TP63: variants seen among roughly 807,000 people sequenced by gnomAD.
TP63 encodes tumor protein p63, also known as tumor protein 63.
Under a neutral mutation model 82.8 loss-of-function variants are expected in TP63, and 17 were observed. The observed-to-expected ratio is 0.21, with a 90% CI of 0.14 to 0.31. The LOEUF is 0.31. Ranked by LOEUF, TP63 falls within the 10% of genes least tolerant of loss-of-function variation. The pLI, the probability that TP63 is intolerant of heterozygous loss-of-function variation, is 1.00. For synonymous variants in TP63, 330 were observed against 321.7 expected, an observed-to-expected ratio of 1.03 and a Z score of -0.28; for missense variants, 648 against 895.3, an observed-to-expected ratio of 0.72 and a Z score of 3.52.
chr3:189,802,998 C>T (rs1019055199), intron 3 of TP63, among the ~76,000 whole-genome samples: 13 of 152,084 alleles, frequency 8.5e-5, no homozygotes, highest in Non-Finnish European at 1.8e-4. Flanking sequence ...AAAAAGGGGA[C>T]ATTTTAAAAA....
intron 1 of TP63, among the ~76,000 whole-genome samples, chr3:189,689,835 T>C (rs1716774046): frequency 6.6e-6 from 1 of 152,136 alleles, no homozygotes; most frequent in African/African-American, 2.4e-5. Flanking sequence ...TACTGAATGG[T>C]CCACTTGAAA....
chr3:189,800,081 T>C (rs1289123162), intron 3 of TP63, among the ~76,000 whole-genome samples: 1 of 152,100 alleles, frequency 6.6e-6, no homozygotes, highest in Non-Finnish European at 1.5e-5. Context: ...GAAAGTGCTA[T>C]GAAAATGTGG....
At chr3:189,780,233 T>G (rs531682733) in intron 3 of TP63, among the ~76,000 whole-genome samples, 1 of 152,262 alleles carries the variant, frequency 6.6e-6, no homozygotes, top group Admixed American at 6.5e-5. Flanking sequence ...GCTGCCAAAT[T>G]GTGAAATATA....
chr3:189,693,050 A>G (rs542494585), intron 1 of TP63, among the ~76,000 whole-genome samples: 5 of 152,286 alleles, frequency 3.3e-5, no homozygotes, highest in Non-Finnish European at 5.9e-5. Context: ...TGTTTTCAGG[A>G]GAATAACTAT....
At chr3:189,621,187 T>G in the TP63 span, among the ~76,000 whole-genome samples, 1 of 152,182 alleles carries the variant, frequency 6.6e-6, no homozygotes, top group African/African-American at 2.4e-5. Context: ...AATATTCTTT[T>G]CACTCCATAA....
At chr3:189,711,100 G>A (rs1718562965) in intron 1 of TP63, among the ~76,000 whole-genome samples, 1 of 152,146 alleles carries the variant, frequency 6.6e-6, no homozygotes, top group African/African-American at 2.4e-5. Flanking sequence ...AATATGGTAG[G>A]GGTCATCTGT....
chr3:189,783,701 G>A (rs1225949024), intron 3 of TP63, among the ~76,000 whole-genome samples: 1 of 151,844 alleles, frequency 6.6e-6, no homozygotes, highest in South Asian at 2.1e-4. Context: ...AAGGAGAAAG[G>A]CAGAGGGCTA....
intron 4 of TP63, among the ~76,000 whole-genome samples, chr3:189,851,638 T>G (rs1715644947): frequency 6.6e-6 from 1 of 151,994 alleles, no homozygotes; most frequent in Non-Finnish European, 1.5e-5. Flanking sequence ...GTGGACACTT[T>G]TATAAGGTAA....
intron 1 of TP63, among the ~76,000 whole-genome samples, chr3:189,664,441 G>T (rs1714200142): frequency 6.6e-6 from 1 of 152,084 alleles, no homozygotes; most frequent in Non-Finnish European, 1.5e-5. Context: ...TTTCCTAACT[G>T]AGGAAGATAA....
chr3:189,608,713 G>A, the TP63 span, among the ~76,000 whole-genome samples: 1 of 151,972 alleles, frequency 6.6e-6, no homozygotes, highest in African/African-American at 2.4e-5. Context: ...TCAACTTGTA[G>A]CTAGAGCTCT....
chr3:189,685,392 C>CT (rs35700987), intron 1 of TP63, among the ~76,000 whole-genome samples: 15 of 152,240 alleles, frequency 9.9e-5, no homozygotes, highest in Non-Finnish European at 1.5e-4. Flanking sequence ...CAGTATTTTC[C>CT]TTTTTTCATC....
At chr3:189,754,740 A>G (rs756990137) in intron 3 of TP63, among the ~76,000 whole-genome samples, 10 of 152,184 alleles carry the variant, frequency 6.6e-5, no homozygotes, top group Non-Finnish European at 1.0e-4. Context: ...CACTACAAAG[A>G]AAGCATCTCT....
chr3:189,788,137 AAGAG>A (rs1452664293), intron 3 of TP63, among the ~76,000 whole-genome samples: 7 of 151,894 alleles, frequency 4.6e-5, no homozygotes, highest in Non-Finnish European at 1.0e-4. Flanking sequence ...TATAGGTAGA[AAGAG>A]AGATCATTCT....
chr3:189,715,910 A>G (rs916041978), intron 1 of TP63, among the ~76,000 whole-genome samples: 2 of 152,168 alleles, frequency 1.3e-5, no homozygotes, highest in Admixed American at 6.5e-5. Context: ...TTAGCTCATT[A>G]TTCTCAGAGG....
At chr3:189,676,321 G>C (rs189422274) in intron 1 of TP63, among the ~76,000 whole-genome samples, 2 of 151,682 alleles carry the variant, frequency 1.3e-5, no homozygotes, top group Non-Finnish European at 2.9e-5. Context: ...CCCATTTTTC[G>C]TACTCCCAAA....
chr3:189,699,671 A>T (rs979637756), intron 1 of TP63, among the ~76,000 whole-genome samples: 6 of 141,304 alleles, frequency 4.2e-5, no homozygotes, highest in Admixed American at 6.9e-5. Flanking sequence ...TATTTGTTTT[A>T]AAAAAAAATC....
chr3:189,748,057 T>C (rs1434065530), intron 3 of TP63, among the ~76,000 whole-genome samples: 1 of 152,050 alleles, frequency 6.6e-6, no homozygotes, highest in East Asian at 1.9e-4. Flanking sequence ...CTCTACATAA[T>C]GATGGCTATA....
the TP63 span, among the ~76,000 whole-genome samples, chr3:189,626,147 C>T: frequency 6.6e-6 from 1 of 152,102 alleles, no homozygotes; most frequent in East Asian, 1.9e-4. Flanking sequence ...AAGTTCTAGG[C>T]CCAGCTTTAC....
chr3:189,754,212 A>G (rs1722020696), intron 3 of TP63, among the ~76,000 whole-genome samples: 1 of 152,080 alleles, frequency 6.6e-6, no homozygotes, highest in Admixed American at 6.6e-5. Flanking sequence ...ACCAGGTCAA[A>G]GCTCTAGTTT....
Sources: allele counts gnomAD v4.1 joint callset (sites outside exome capture counted in the v4.1 genomes callset), GRCh38; gene constraint gnomAD v4.1.1; transcripts MANE v1.5; gene names NCBI Gene and HGNC (gene_info 2026-07-23, HGNC 2026-07-21).